XXYLT1: variants seen among roughly 807,000 people sequenced by gnomAD.
XXYLT1 encodes UDP-xylose:alpha-xyloside alpha-1,3-xylosyltransferase.
A neutral mutation model predicts 28.9 loss-of-function variants in XXYLT1; 20 were observed. That is an observed-to-expected ratio of 0.69 (90% CI 0.49 to 1.00). The LOEUF (loss-of-function observed/expected upper bound fraction) is 1.00. Among genes scored for constraint, XXYLT1 ranks in the 50% least tolerant of loss-of-function variants. The pLI, the probability that XXYLT1 is intolerant of heterozygous loss-of-function variation, is 0.00. For synonymous variants in XXYLT1, 257 were observed against 253.8 expected (o/e 1.01, Z -0.12); for missense variants, 542 against 560.1 (o/e 0.97, Z 0.33).
At chr3:195,235,923 TAG>T (rs1382677764) in intron 1 of XXYLT1, among the ~76,000 whole-genome samples, 5 of 151,160 alleles carry the variant, frequency 3.3e-5, no homozygotes, top group Non-Finnish European at 5.9e-5. Context: ...GACATAGACA[TAG>T]ACATAGACAT....
intron 3 of XXYLT1, 52 bp downstream of exon 3, chr3:195,156,397 G>T (rs59556963): frequency 0.1 from 161,892 of 1,594,396 alleles, 9,836 homozygotes; most frequent in East Asian, 0.25. Flanking sequence ...AAGAGAGAGG[G>T]TGAAGGGTGG....
intron 2 of XXYLT1, among the ~76,000 whole-genome samples, chr3:195,202,131 C>T (rs1423776860): frequency 3.3e-5 from 5 of 152,026 alleles, no homozygotes; most frequent in Admixed American, 6.5e-5. Flanking sequence ...GAGCCGAGAT[C>T]GTGCCACTGC....
chr3:195,230,090 T>A (rs1041371977), intron 1 of XXYLT1, among the ~76,000 whole-genome samples: 1 of 152,252 alleles, frequency 6.6e-6, no homozygotes, highest in South Asian at 2.1e-4. Context: ...TGGAGTGAGA[T>A]GATATCTCAT....
Position 195,195,734 on chromosome 3 carries a change from G to C in XXYLT1, c.652+30975C>G, listed in dbSNP as rs1722598993. ...GGAGGGCCCGGGCAGTGCCGTGCTG[G>C]GAATGCTCTTCCTGCACCCCAGCTG... On this transcript the variant is annotated intron_variant, in intron 2 of 3. Coordinates refer to ENST00000310380, the MANE Select transcript of XXYLT1 (RefSeq NM_152531.5). This position sits in a 1 kb window ranked among gnomAD's most constrained non-coding sequence, Gnocchi z 4.4. Among the ~76,000 whole-genome samples, 1 of 152,174 alleles carries C rather than the reference G, an allele frequency of 6.6e-6. No individual in the cohort carries two copies. The highest frequency in any genetic ancestry group is 2.4e-5 in the African/African-American group (1 of 41,434).
rs73890650 is a variant in XXYLT1, at chr3:195,072,489, G to A, written c.786-2378C>T. ...TCGCTGGGCTCAGGAGATGGGGGCC[G>A]CAGGCAGAGAGAAGAGGACAGAATA... On this transcript the variant is annotated intron_variant, in intron 3 of 3. Coordinates refer to ENST00000310380, the MANE Select transcript of XXYLT1 (RefSeq NM_152531.5). Among the ~76,000 whole-genome samples, 1,454 of 152,262 alleles carry A rather than the reference G, an allele frequency of 9.5e-3. 18 individuals carry two copies. Among genetic ancestry groups the A allele is most frequent in the African/African-American group, 0.033 (1,390 of 41,540 alleles).
At position 195,143,794 on chromosome 3, in the gene XXYLT1, ATATATAGATAGAT is replaced by A. The variant is rs1560116846; in HGVS notation, c.785+12642_785+12654del. Among the ~76,000 whole-genome samples the A allele has an allele frequency of 1.5e-4, 18 of 116,912 alleles. 1 individual carries two copies. The highest frequency in any genetic ancestry group is 5.2e-4 in the African/African-American group (16 of 30,638). The allele number at this position is 116,912 out of a possible 152,430, so 76.7% of individuals were successfully genotyped here. On this transcript the variant is annotated intron_variant, in intron 3 of 3. Transcript: ENST00000310380. The stretch of plus-strand genomic sequence containing the variant: ...CCAAATGTTCTCTCATTATATATAT[ATATATAGATAGAT>A]ATATATAGATATAGATATATATAGA...
At chr3:195,253,985 T>C (rs1325383821) in intron 1 of XXYLT1, among the ~76,000 whole-genome samples, 1 of 152,168 alleles carries the variant, frequency 6.6e-6, no homozygotes, top group Non-Finnish European at 1.5e-5. Context: ...AGGGAAACGG[T>C]GCTCTCGGAC....
At position 195,122,552 on chromosome 3, in the gene XXYLT1, G is replaced by A. The variant is rs114809707; in HGVS notation, c.785+33897C>T. 6.7e-3 allele frequency among the ~76,000 whole-genome samples: 1,023 copies of A among 152,228 alleles called. 12 individuals carry two copies. Among genetic ancestry groups the A allele is most frequent in the African/African-American group, 0.023 (948 of 41,538 alleles). ...CAGCTGGAAAGTACCCCATGCCTGA[G>A]CACCCCAGAGCTGGGTCCTAGGAGA... On this transcript the variant is annotated intron_variant, in intron 3 of 3. Coordinates refer to ENST00000310380, the MANE Select transcript of XXYLT1 (RefSeq NM_152531.5).
intron 3 of XXYLT1, among the ~76,000 whole-genome samples, chr3:195,147,216 T>A (rs1234270700): frequency 6.6e-6 from 1 of 152,212 alleles, no homozygotes; most frequent in Non-Finnish European, 1.5e-5. Context: ...GCATGTCTTC[T>A]ACTTCGTAAT....
intron 1 of XXYLT1, among the ~76,000 whole-genome samples, chr3:195,239,314 G>A (rs1560169056): frequency 6.6e-6 from 1 of 152,186 alleles, no homozygotes. Context: ...CAGACCAGGG[G>A]CTGATGCCTG....
intron 3 of XXYLT1, among the ~76,000 whole-genome samples, chr3:195,134,001 C>A (rs1719037220): frequency 6.6e-6 from 1 of 152,074 alleles, no homozygotes; most frequent in African/African-American, 2.4e-5. Context: ...CGCCTGAGCC[C>A]AGGAGTTTGA....
chr3:195,121,538 C>T (rs1275031114), intron 3 of XXYLT1, among the ~76,000 whole-genome samples: 5 of 152,154 alleles, frequency 3.3e-5, no homozygotes, highest in African/African-American at 4.8e-5. Context: ...CCCCAAATGA[C>T]GTTCTCATCT....
intron 3 of XXYLT1, among the ~76,000 whole-genome samples, chr3:195,098,685 C>T (rs371634011): frequency 6.6e-6 from 1 of 152,266 alleles, no homozygotes; most frequent in Non-Finnish European, 1.5e-5. Context: ...GCCCTCCTCG[C>T]TGCGCTGGCC....
intron 2 of XXYLT1, among the ~76,000 whole-genome samples, chr3:195,179,257 T>G (rs1471466624): frequency 1.3e-5 from 2 of 151,796 alleles, no homozygotes; most frequent in Middle Eastern, 3.2e-3. Flanking sequence ...GGAGAATTGC[T>G]TGAACCAGGG....
At chr3:195,204,069 G>A (rs1009054008) in intron 2 of XXYLT1, among the ~76,000 whole-genome samples, 1 of 152,196 alleles carries the variant, frequency 6.6e-6, no homozygotes, top group African/African-American at 2.4e-5. Context: ...CATTGGCCGG[G>A]CACAGTGGCT....
chr3:195,266,652 C>A (rs139209756), intron 1 of XXYLT1, among the ~76,000 whole-genome samples: 1 of 152,324 alleles, frequency 6.6e-6, no homozygotes, highest in Admixed American at 6.5e-5. Context: ...ATGCTCCCCA[C>A]GGAAGGTTAC....
Position 195,173,514 on chromosome 3 carries a change from C to T in XXYLT1, c.653-16933G>A, listed in dbSNP as rs1369087745. Among the ~76,000 whole-genome samples, 1 of 152,194 alleles carries T rather than the reference C, an allele frequency of 6.6e-6. No individual in the cohort carries two copies. Among genetic ancestry groups the T allele is most frequent in the Non-Finnish European group, 1.5e-5 (1 of 68,032 alleles). The stretch of plus-strand genomic sequence containing the variant: ...TATGCACCTAAAAACGGACATGAAA[C>T]TCTATTTTTATTCACTGAATCGTAT... On this transcript the variant is annotated intron_variant, in intron 2 of 3. Coordinates refer to ENST00000310380, the MANE Select transcript of XXYLT1 (RefSeq NM_152531.5). The surrounding 1 kb of genome is among the most constrained non-coding windows in gnomAD (Gnocchi z 4.3).
At chr3:195,238,637 TG>T in intron 1 of XXYLT1, among the ~76,000 whole-genome samples, 1 of 152,208 alleles carries the variant, frequency 6.6e-6, no homozygotes, top group Non-Finnish European at 1.5e-5. Context: ...ATGCTTCCTG[TG>T]GTGTCTGTCA....
chr3:195,265,541 C>A (rs1725822220), intron 1 of XXYLT1, among the ~76,000 whole-genome samples: 1 of 152,208 alleles, frequency 6.6e-6, no homozygotes, highest in African/African-American at 2.4e-5. Flanking sequence ...GGAGGCCATA[C>A]AAGCAGTGGC....
Sources: gnomAD v4.1 joint callset for allele counts (sites outside exome capture counted in the v4.1 genomes callset) on GRCh38, gnomAD v4.1.1 for gene constraint, Gnocchi (gnomAD v3.1) non-coding constraint, MANE v1.5 for transcripts, NCBI Gene and HGNC (gene_info 2026-07-23, HGNC 2026-07-21) for gene names.